FRMD5: variants seen among roughly 807,000 people sequenced by gnomAD.
FRMD5 encodes the protein FERM domain-containing protein 5.
A neutral mutation model predicts 69.0 loss-of-function variants in FRMD5; 20 were observed. That is an observed-to-expected ratio of 0.29 (90% CI 0.20 to 0.42). FRMD5 has a LOEUF of 0.42. FRMD5 is among the 10% of genes least tolerant of loss of function. The pLI is 1.00. For synonymous variants in FRMD5, 271 were observed against 260.1 expected (o/e 1.04, Z -0.40); for missense variants, 595 against 708.6 (o/e 0.84, Z 1.82).
chr15:43,954,761 T>C (rs2090088637), intron 1 of FRMD5, among the ~76,000 whole-genome samples: 1 of 152,216 alleles, frequency 6.6e-6, no homozygotes, highest in African/African-American at 2.4e-5. Flanking sequence ...TTAATAAGAC[T>C]GTCCCTATCA....
chr15:44,014,269 C>A (rs1890856043), intron 1 of FRMD5, among the ~76,000 whole-genome samples: 1 of 152,066 alleles, frequency 6.6e-6, no homozygotes, highest in Non-Finnish European at 1.5e-5. Context: ...TCTTTCTGTG[C>A]AAGCTTATCT....
At chr15:44,138,552 C>T (rs189578144) in intron 1 of FRMD5, among the ~76,000 whole-genome samples, 42 of 152,164 alleles carry the variant, frequency 2.8e-4, no homozygotes, top group Non-Finnish European at 4.1e-4. Flanking sequence ...CCCAGCTAAG[C>T]CATCATAAAG....
At chr15:44,066,008 T>C (rs1595687408) in intron 1 of FRMD5, among the ~76,000 whole-genome samples, 1 of 152,158 alleles carries the variant, frequency 6.6e-6, no homozygotes, top group Non-Finnish European at 1.5e-5. Flanking sequence ...GCACTGATTG[T>C]TTTTCAAAAA....
In FRMD5 at chr15:44,113,504, T is replaced by C. The variant is rs148386209; in HGVS notation, c.102+81449A>G. ...CATGCAATGTGTAATAATCATATTA[T>C]GGTAAATGGGGTATTCACCCTCTCT... is the stretch of plus-strand genomic sequence containing the variant. On this transcript the variant is annotated intron_variant, in intron 1 of 13. Coordinates refer to ENST00000417257, the MANE Select transcript of FRMD5 (RefSeq NM_032892.5). Among the ~76,000 whole-genome samples, 1,130 of 152,352 alleles carry C rather than the reference T, an allele frequency of 7.4e-3. 14 individuals carry two copies. The highest frequency in any genetic ancestry group is 0.026 in the African/African-American group (1,086 of 41,576).
chr15:44,144,287 C>T lies in FRMD5; in HGVS notation c.102+50666G>A, dbSNP rs144790620. Among the ~76,000 whole-genome samples the T allele has an allele frequency of 2.8e-3, 428 of 152,188 alleles. 2 individuals carry two copies. The highest frequency in any genetic ancestry group is 1.0e-2 in the African/African-American group (414 of 41,506). On this transcript the variant is annotated intron_variant, in intron 1 of 13. Coordinates refer to ENST00000417257, the MANE Select transcript of FRMD5 (RefSeq NM_032892.5). Reference sequence around the variant, plus strand: ...TCATCTTTTCAGTTAAAGGCTCATCCGGAAAAGGAACTTGTAAGTAAATAA... The same window carrying T: ...TCATCTTTTCAGTTAAAGGCTCATCTGGAAAAGGAACTTGTAAGTAAATAA...
chr15:44,195,492 C>T (rs1249715864), upstream of FRMD5, among the ~76,000 whole-genome samples: 2 of 152,214 alleles, frequency 1.3e-5, no homozygotes, highest in Non-Finnish European at 2.9e-5. Context: ...GGGTTCCTCT[C>T]CGCCCCGTGG....
Position 43,919,491 on chromosome 15 carries a change from T to G in FRMD5, c.297A>C (p.Ala99=). The G allele has an allele frequency of 6.2e-7, 1 of 1,614,094 alleles. No homozygotes were observed. Among genetic ancestry groups the G allele is most frequent in the South Asian group, 1.1e-5 (1 of 91,080 alleles). Residue 99 remains alanine (A), a synonymous_variant, in exon 4 of 14, where the codon GCA becomes GCC. Transcript: ENST00000417257. ...TTTCTTCTTTCAGAGCAGCAGGGTC[T>G]GCAGGATAAAACTTCACACGGAAGC... ...TMCFRVKFYP[A]DPAALKEEIT... is the part of the protein sequence containing the mutation.
chr15:43,966,209 A>G (rs1441625315), intron 1 of FRMD5, among the ~76,000 whole-genome samples: 1 of 151,876 alleles, frequency 6.6e-6, no homozygotes, highest in Non-Finnish European at 1.5e-5. Context: ...CATCTCTAAT[A>G]AAAATACAAA....
At chr15:43,958,421 G>GT (rs1022259558) in intron 1 of FRMD5, among the ~76,000 whole-genome samples, 14 of 151,174 alleles carry the variant, frequency 9.3e-5, no homozygotes, top group Middle Eastern at 6.8e-3. Flanking sequence ...GTAAATTTTT[G>GT]TTTTTTTGTT....
chr15:43,950,403 T>C (rs994129300), intron 1 of FRMD5, among the ~76,000 whole-genome samples: 1 of 152,184 alleles, frequency 6.6e-6, no homozygotes, highest in Non-Finnish European at 1.5e-5. Flanking sequence ...CGCATTCACA[T>C]AGACAAACAG....
chr15:43,951,983 TGTGTGTGTGTGTGTGTC>T (rs772592562), intron 1 of FRMD5, among the ~76,000 whole-genome samples: 10,632 of 139,058 alleles, frequency 0.076, 665 homozygotes, highest in African/African-American at 0.18. Flanking sequence ...GTGTGTGTTG[TGTGTGTGTGTGTGTGTC>T]TGTGTGTGTG....
chr15:44,153,805 C>CA, intron 1 of FRMD5, among the ~76,000 whole-genome samples: 1 of 152,040 alleles, frequency 6.6e-6, no homozygotes, highest in Non-Finnish European at 1.5e-5. Flanking sequence ...CCTGTCTCTA[C>CA]AAAAATTCAG....
intron 1 of FRMD5, among the ~76,000 whole-genome samples, chr15:44,131,528 A>T (rs2077097314): frequency 6.6e-6 from 1 of 152,232 alleles, no homozygotes; most frequent in Non-Finnish European, 1.5e-5. Context: ...TAGCTAAAAC[A>T]TGAAAGCAAC....
chr15:43,973,298 A>C (rs1036859299), intron 1 of FRMD5, among the ~76,000 whole-genome samples: 1 of 151,536 alleles, frequency 6.6e-6, no homozygotes, highest in Middle Eastern at 3.2e-3. Context: ...CTGGGATTAC[A>C]GGCGTGAGCC....
At chr15:44,084,562 C>A (rs1377483917) in intron 1 of FRMD5, among the ~76,000 whole-genome samples, 4 of 152,052 alleles carry the variant, frequency 2.6e-5, no homozygotes, top group Non-Finnish European at 5.9e-5. Context: ...TGGTTCTTCC[C>A]TCTGGGGCAA....
chr15:43,943,133 C>T (rs1055524902), intron 1 of FRMD5, among the ~76,000 whole-genome samples: 9 of 152,072 alleles, frequency 5.9e-5, no homozygotes, highest in Non-Finnish European at 1.2e-4. Context: ...CCCAGCTACT[C>T]GGGAGGCTGA....
intron 13 of FRMD5, among the ~76,000 whole-genome samples, chr15:43,881,145 T>A (rs181112155): frequency 1.7e-4 from 26 of 152,330 alleles, no homozygotes; most frequent in Admixed American, 9.1e-4. Context: ...TCTCCTGTTT[T>A]ACATCCTGCA....
At chr15:43,976,255 CAAAT>C (rs2090461163) in intron 1 of FRMD5, among the ~76,000 whole-genome samples, 1 of 151,756 alleles carries the variant, frequency 6.6e-6, no homozygotes, top group Non-Finnish European at 1.5e-5. Context: ...CCATAAAAAA[CAAAT>C]AAATGTCTAC....
intron 1 of FRMD5, 51 bp from the exon 2 acceptor site, chr15:43,924,360 AC>A: frequency 1.5e-6 from 2 of 1,315,576 alleles, no homozygotes; most frequent in Non-Finnish European, 1.0e-6. Flanking sequence ...CTTCAGTGTA[AC>A]TTTTTTTTTT....
Sources: gnomAD v4.1 joint callset for allele counts (sites outside exome capture counted in the v4.1 genomes callset) on GRCh38, gnomAD v4.1.1 for gene constraint, MANE v1.5 for transcripts, NCBI Gene and HGNC (gene_info 2026-07-23, HGNC 2026-07-21) for gene names.